TLN1: variants seen among roughly 807,000 people sequenced by gnomAD.
TLN1 encodes talin-1.
A neutral mutation model predicts 292.3 loss-of-function variants in TLN1; 56 were observed. The observed-to-expected ratio is 0.19, with a 90% CI of 0.15 to 0.24. The LOEUF (loss-of-function observed/expected upper bound fraction) is 0.24, where lower values mean the gene tolerates loss of function less well. Ranked by LOEUF, TLN1 falls within the 10% of genes least tolerant of loss-of-function variation. TLN1 has a pLI of 1.00. For missense variants in TLN1, 2,433 were observed against 3,248.2 expected (o/e 0.75, Z 6.10); for synonymous variants, 1,119 against 1,253.7 (o/e 0.89, Z 2.27).
In TLN1 at chr9:35,719,701, G is replaced by A; in HGVS notation, c.1578+39C>T. 1 of 1,611,458 alleles carries A rather than the reference G, an allele frequency of 6.2e-7. No homozygotes were observed. The highest frequency in any genetic ancestry group is 1.1e-5 in the South Asian group (1 of 90,908). Reference sequence around the variant, plus strand: ...CTCATCCCTATCCCTTGGAGTCTCAGCTTCAGTACCACCGGCCTCTCCTCC... The same window carrying A: ...CTCATCCCTATCCCTTGGAGTCTCAACTTCAGTACCACCGGCCTCTCCTCC... On this transcript the variant is annotated intron_variant, in intron 14 of 56. Transcript: ENST00000314888. The surrounding 1 kb of genome is among the most constrained non-coding windows in gnomAD (Gnocchi z 4.6).
intron 7 of TLN1, chr9:35,723,330 C>T (rs1025675544): frequency 2.8e-4 from 57 of 201,346 alleles, no homozygotes; most frequent in South Asian, 6.1e-4. Context: ...CTCGAACTCC[C>T]GACCTCAGGT....
At position 35,699,050 on chromosome 9, in the gene TLN1, C is replaced by A. The variant is rs147951718; in HGVS notation, c.6981G>T (p.Lys2327Asn). ...GACTGACCTTGGGTTTGGCCCGGGG[C>A]TTCAGCTGCTCTAGCTTTTTGGCTG... ...EAAAKKLEQL[K>N]PRAKPKEADE... Residue 2327 changes from lysine (K) to asparagine (N), a missense_variant, in exon 52 of 57, where the codon AAG (lysine) becomes AAT (asparagine). Lys to Asn is a moderately conservative substitution (Grantham distance 94). Around this residue, in one of 7 missense-constraint regions of TLN1, gnomAD observed 1,384 missense variants for 1,699.6 expected, o/e 0.81. Coordinates refer to ENST00000314888, the MANE Select transcript of TLN1 (RefSeq NM_006289.4). This position sits in a 1 kb window ranked among gnomAD's most constrained non-coding sequence, Gnocchi z 4.0. 3.1e-5 allele frequency: 50 copies of A among 1,613,390 alleles called. No homozygotes were observed. Among genetic ancestry groups the A allele is most frequent in the Non-Finnish European group, 1.8e-5 (21 of 1,179,650 alleles).
intron 1 of TLN1, among the ~76,000 whole-genome samples, chr9:35,728,031 C>A (rs1826008107): frequency 6.6e-6 from 1 of 152,166 alleles, no homozygotes; most frequent in Non-Finnish European, 1.5e-5. Context: ...GCTCCCTTTT[C>A]CATTGTGTTT....
Position 35,718,674 on chromosome 9 carries a change from T to C in TLN1, c.1995+138A>G, listed in dbSNP as rs1170957293. 11 of 679,980 alleles carry C rather than the reference T, an allele frequency of 1.6e-5. No individual in the cohort carries two copies. In the East Asian group the frequency reaches 2.7e-4, roughly 17 times the overall value. The allele number at this position is 679,980 out of a possible 1,614,324, so 42.1% of individuals were successfully genotyped here. On this transcript the variant is annotated intron_variant, in intron 17 of 56. Transcript: ENST00000314888. The stretch of plus-strand genomic sequence containing the variant: ...CCCTAAAAGAGAGATCAGAAGTTAC[T>C]AGTATCATCCCCTGGAAATAGAGGT...
At chr9:35,723,620 G>A in intron 7 of TLN1, 1 of 277,056 alleles carries the variant, frequency 3.6e-6, no homozygotes, top group South Asian at 3.7e-5. Context: ...GATGAGGCTT[G>A]TGAGACTTTT....
At chr9:35,720,307 G>A in intron 12 of TLN1, 88 bp from the exon 13 acceptor site, 4 of 1,529,454 alleles carry the variant, frequency 2.6e-6, no homozygotes, top group Non-Finnish European at 3.5e-6. Flanking sequence ...GGTGTGTGAG[G>A]TCTCACTACA....
chr9:35,704,245 C>T lies in TLN1; in HGVS notation c.6048-71G>A, dbSNP rs1825521768. 2 of 1,574,254 alleles carry T rather than the reference C, an allele frequency of 1.3e-6. No homozygotes were observed. The highest frequency in any genetic ancestry group is 1.2e-5 in the South Asian group (1 of 83,620). On this transcript the variant is annotated intron_variant, in intron 45 of 56. Transcript: ENST00000314888. This position sits in a 1 kb window ranked among gnomAD's most constrained non-coding sequence, Gnocchi z 6.9. ...CCCGTCCAAGGTGCCTGGTCCAGGTCTTCCCCATTCCAGCGAATGCTATCC... is the reference window on the plus strand; with the variant it reads ...CCCGTCCAAGGTGCCTGGTCCAGGTTTTCCCCATTCCAGCGAATGCTATCC...
intron 43 of TLN1, among the ~76,000 whole-genome samples, chr9:35,705,321 G>C (rs1825545336): frequency 6.6e-6 from 1 of 152,258 alleles, no homozygotes; most frequent in African/African-American, 2.4e-5. Flanking sequence ...GCAGAAGCCA[G>C]AAAGGCAGGC....
At chr9:35,725,998 C>T (rs183901374) in intron 1 of TLN1, among the ~76,000 whole-genome samples, 23 of 152,240 alleles carry the variant, frequency 1.5e-4, no homozygotes, top group Non-Finnish European at 2.8e-4. Context: ...CTGCAAGCTC[C>T]GCCTCCTGGA....
intron 10 of TLN1, 134 bp downstream of exon 10, chr9:35,721,514 C>T: frequency 1.1e-6 from 1 of 902,316 alleles, no homozygotes; most frequent in Non-Finnish European, 1.6e-6. Flanking sequence ...GAGGAAGATT[C>T]TCCATCTACT....
At chr9:35,722,763 T>C in intron 8 of TLN1, 98 bp downstream of exon 8, 1 of 1,278,770 alleles carries the variant, frequency 7.8e-7, no homozygotes, top group Non-Finnish European at 1.1e-6. Context: ...AAAGCCAAGT[T>C]AGGGGAGACG....
At chr9:35,703,428 A>G (rs1209557712) in intron 48 of TLN1, 132 bp downstream of exon 48, 1 of 858,112 alleles carries the variant, frequency 1.2e-6, no homozygotes. Context: ...TTCTCAAAAA[A>G]AAAGTCTGGC....
At position 35,717,118 on chromosome 9, in the gene TLN1, T is replaced by C. The variant is rs1372809178; in HGVS notation, c.2458+28A>G. ...GGCTTAGGGAACCCTGGTAGGGTTTTTTGTTTTCCTGGGGGTGCGTGTCTT... is the reference window on the plus strand; with the variant it reads ...GGCTTAGGGAACCCTGGTAGGGTTTCTTGTTTTCCTGGGGGTGCGTGTCTT... On this transcript the variant is annotated intron_variant, in intron 19 of 56. Coordinates refer to ENST00000314888, the MANE Select transcript of TLN1 (RefSeq NM_006289.4). The surrounding 1 kb of genome is among the most constrained non-coding windows in gnomAD (Gnocchi z 4.7). 6.4e-7 allele frequency: 1 copy of C among 1,569,106 alleles called. No homozygotes were observed. Among genetic ancestry groups the C allele is most frequent in the East Asian group, 2.3e-5 (1 of 44,180 alleles).
Position 35,699,004 on chromosome 9 carries a change from G to C in TLN1, c.6999+28C>G. 6.2e-7 allele frequency: 1 copy of C among 1,608,534 alleles called. No homozygotes were observed. Among genetic ancestry groups the C allele is most frequent in the Non-Finnish European group, 8.5e-7 (1 of 1,175,368 alleles). On this transcript the variant is annotated intron_variant, in intron 52 of 56. Transcript: ENST00000314888. This position sits in a 1 kb window ranked among gnomAD's most constrained non-coding sequence, Gnocchi z 4.0. The stretch of plus-strand genomic sequence containing the variant: ...AAGGTGGGGACACTGCCATGGTGAG[G>C]GTGGAAGAGGAAGGGAGCAGGACTG...
At chr9:35,718,563 A>G (rs1825826701) in intron 17 of TLN1, among the ~76,000 whole-genome samples, 1 of 152,166 alleles carries the variant, frequency 6.6e-6, no homozygotes, top group South Asian at 2.1e-4. Flanking sequence ...GAAGAGAGAG[A>G]AAAGATGACA....
chr9:35,708,329 C>A lies in TLN1; in HGVS notation c.4470+12G>T. The A allele has an allele frequency of 6.3e-7, 1 of 1,593,420 alleles. No homozygotes were observed. Among genetic ancestry groups the A allele is most frequent in the South Asian group, 1.1e-5 (1 of 88,870 alleles). ...CCCAGACTCGCCTGTGGTCCCTGTTCCCTTGAGTTACCTGGGCCTGGGTAC... is the reference window on the plus strand; with the variant it reads ...CCCAGACTCGCCTGTGGTCCCTGTTACCTTGAGTTACCTGGGCCTGGGTAC... On this transcript the variant is annotated intron_variant, in intron 34 of 56. Coordinates refer to ENST00000314888, the MANE Select transcript of TLN1 (RefSeq NM_006289.4).
At position 35,720,480 on chromosome 9, in the gene TLN1, T is replaced by A; in HGVS notation, c.1236A>T (p.Glu412Asp). The A allele has an allele frequency of 6.2e-7, 1 of 1,614,118 alleles. No homozygotes were observed. The highest frequency in any genetic ancestry group is 1.3e-5 in the African/African-American group (1 of 75,020). ...CCAGCATAGTAGACTCCTCATCTCC[T>A]TCCAGCCCAAAGTGATCCTTGCTTT... is the stretch of plus-strand genomic sequence containing the variant. ...KKKSKDHFGL[E>D]GDEESTMLED... The change falls in exon 12 of 57, where the codon GAA becomes GAT. Residue 412 changes from glutamate (E) to aspartate (D), a missense_variant. Physicochemically the swap from Glu to Asp is conservative, Grantham distance 45. Coordinates refer to ENST00000314888, the MANE Select transcript of TLN1 (RefSeq NM_006289.4).
In TLN1 at chr9:35,706,438, C is replaced by A; in HGVS notation, c.5190+12G>T. ...CTACTCCCTGGGACTTCCCATGAGT[C>A]TCCATAGGTACCTTGTGTCCCAGCT... On this transcript the variant is annotated intron_variant, in intron 39 of 56. Transcript: ENST00000314888. The surrounding 1 kb of genome is among the most constrained non-coding windows in gnomAD (Gnocchi z 4.2). The A allele has an allele frequency of 6.2e-7, 1 of 1,614,084 alleles. No individual in the cohort carries two copies. The highest frequency in any genetic ancestry group is 8.5e-7 in the Non-Finnish European group (1 of 1,179,992).
chr9:35,706,570 T>G lies in TLN1; in HGVS notation c.5089-19A>C, dbSNP rs1250827801. ...GCAAGGCCTGGGGAGGAAGTGGACA[T>G]TAGCCCTGATGGTGACCTGCAATAG... On this transcript the variant is annotated intron_variant, in intron 38 of 56. Transcript: ENST00000314888. The surrounding 1 kb of genome is among the most constrained non-coding windows in gnomAD (Gnocchi z 4.2). The G allele has an allele frequency of 1.9e-6, 3 of 1,612,504 alleles. No homozygotes were observed. Among genetic ancestry groups the G allele is most frequent in the East Asian group, 2.2e-5 (1 of 44,864 alleles).
Sources: allele counts gnomAD v4.1 joint callset (sites outside exome capture counted in the v4.1 genomes callset), GRCh38; gene constraint gnomAD v4.1.1; regional missense constraint gnomAD v4.1.1; non-coding constraint Gnocchi (gnomAD v3.1); transcripts MANE v1.5; gene names NCBI Gene and HGNC (gene_info 2026-07-23, HGNC 2026-07-21).